The following ASCC2 variants were observed in gnomAD, a reference collection of about 807,000 sequenced individuals.
ASCC2 encodes the protein ASC-1 complex subunit P100.
ASCC2 carries 42 observed loss-of-function variants against 93.5 expected under a neutral mutation model. That is an observed-to-expected ratio of 0.45 (90% CI 0.35 to 0.58). The LOEUF (loss-of-function observed/expected upper bound fraction) is 0.58. Ranked by LOEUF, ASCC2 falls within the 20% of genes least tolerant of loss-of-function variation. The pLI, the probability that ASCC2 is intolerant of heterozygous loss-of-function variation, is 0.00. For missense variants in ASCC2, 859 were observed against 977.6 expected (o/e 0.88, Z 1.62); for synonymous variants, 364 against 384.2 (o/e 0.95, Z 0.62).
intron 4 of ASCC2, 55 bp from the exon 5 acceptor site, chr22:29,822,519 T>C (rs759784989): frequency 8.2e-6 from 13 of 1,594,524 alleles, no homozygotes; most frequent in Non-Finnish European, 1.0e-5. Flanking sequence ...TCCTACATTA[T>C]AAATAGCAAA....
At chr22:29,806,978 C>T (rs2059744959) in intron 9 of ASCC2, 74 bp from the exon 10 acceptor site, 2 of 1,148,926 alleles carry the variant, frequency 1.7e-6, no homozygotes, top group Admixed American at 2.4e-5. Flanking sequence ...GTGGTTTACA[C>T]CTGAAACCCT....
intron 17 of ASCC2, 56 bp from the exon 18 acceptor site, chr22:29,792,591 C>T: frequency 6.2e-7 from 1 of 1,605,978 alleles, no homozygotes. Flanking sequence ...GAGCAAGAGC[C>T]ACAAGGAGGA....
chr22:29,810,281 C>G (rs1271263882), intron 8 of ASCC2: 1 of 152,214 alleles, frequency 6.6e-6, no homozygotes, highest in Non-Finnish European at 1.5e-5. Flanking sequence ...ACTGCAGCTG[C>G]CTCTTTTCTG....
At chr22:29,789,615 C>G (rs2068666493) in intron 19 of ASCC2, among the ~76,000 whole-genome samples, 1 of 152,204 alleles carries the variant, frequency 6.6e-6, no homozygotes, top group African/African-American at 2.4e-5. Flanking sequence ...ACCTAGGGCC[C>G]TTTCAGACCA....
chr22:29,811,054 A>T (rs986598431), intron 8 of ASCC2, among the ~76,000 whole-genome samples: 1 of 152,116 alleles, frequency 6.6e-6, no homozygotes, highest in African/African-American at 2.4e-5. Context: ...TTTGTATAGC[A>T]AACAACTGAA....
rs112106561 is a variant in ASCC2 at position 29,793,508 on chromosome 22, T to A, written c.1789-18A>T. On this transcript the variant is annotated intron_variant, in intron 16 of 19. Coordinates refer to ENST00000307790, the MANE Select transcript of ASCC2 (RefSeq NM_032204.5). Reference sequence around the variant, plus strand: ...AGTGGCACCTGCAATGGCATAAGCATGGGTCTGGGGGGCTCAGGGGCTGGC... The same window carrying A: ...AGTGGCACCTGCAATGGCATAAGCAAGGGTCTGGGGGGCTCAGGGGCTGGC... The A allele has an allele frequency of 3.1e-3, 5,037 of 1,614,086 alleles. 93 individuals are homozygous for A. The African/African-American group carries it at 0.049, about 16-fold the overall frequency.
chr22:29,788,751 T>C lies in ASCC2; in HGVS notation c.*262A>G, dbSNP rs1277778583. ...TGCCTTGGGACTCCATCCCCATCTC[T>C]TTCCCGCTAGCGCAGCTGGGGGAAG... On this transcript the variant is annotated 3_prime_UTR_variant, in exon 20 of 20. Coordinates refer to ENST00000307790, the MANE Select transcript of ASCC2 (RefSeq NM_032204.5). 6 of 506,784 alleles carry C rather than the reference T, an allele frequency of 1.2e-5. No individual in the cohort carries two copies. The highest frequency in any genetic ancestry group is 1.1e-4 in the South Asian group (5 of 43,714). 31.4% of individuals were successfully genotyped at this position (506,784 alleles called of 1,614,324 possible).
At chr22:29,812,658 T>C (rs2060403834) in intron 8 of ASCC2, among the ~76,000 whole-genome samples, 1 of 152,182 alleles carries the variant, frequency 6.6e-6, no homozygotes, top group South Asian at 2.1e-4. Context: ...CTCTGCCTCA[T>C]GTCACACTTC....
chr22:29,806,173 G>GT, intron 12 of ASCC2, 43 bp downstream of exon 12: 1 of 1,597,076 alleles, frequency 6.3e-7, no homozygotes. Flanking sequence ...CTCTGACCTA[G>GT]TCAAGCTGGG....
chr22:29,799,776 G>A (rs113438877), intron 15 of ASCC2, among the ~76,000 whole-genome samples: 3,507 of 152,156 alleles, frequency 0.023, 65 homozygotes, highest in South Asian at 0.073. Flanking sequence ...TCATTCCAAC[G>A]CTGGGTGAAC....
At chr22:29,811,639 G>C (rs1178102688) in intron 8 of ASCC2, among the ~76,000 whole-genome samples, 2 of 152,150 alleles carry the variant, frequency 1.3e-5, no homozygotes, top group African/African-American at 4.8e-5. Context: ...GGGTGTTCGT[G>C]GGTCAAAGGC....
At chr22:29,832,581 C>A in intron 1 of ASCC2, 1 of 349,808 alleles carries the variant, frequency 2.9e-6, no homozygotes, top group Non-Finnish European at 5.2e-6. Context: ...GATATATTTC[C>A]ACCCACTTTT....
chr22:29,816,166 G>T, intron 5 of ASCC2, 93 bp from the exon 6 acceptor site: 1 of 1,058,214 alleles, frequency 9.4e-7, no homozygotes. Flanking sequence ...GCAGGTCTGT[G>T]ACCTTTCTCC....
At chr22:29,804,318 A>G (rs2059424993) in intron 13 of ASCC2, among the ~76,000 whole-genome samples, 1 of 152,162 alleles carries the variant, frequency 6.6e-6, no homozygotes, top group South Asian at 2.1e-4. Flanking sequence ...CTCCACTTTT[A>G]TCTATTTAGA....
intron 1 of ASCC2, among the ~76,000 whole-genome samples, chr22:29,836,166 T>A (rs1271105568): frequency 6.6e-6 from 1 of 151,760 alleles, no homozygotes; most frequent in Admixed American, 6.6e-5. Context: ...CTAAAAAGTG[T>A]GGCTTTGAAG....
chr22:29,812,724 C>G (rs1220627978), intron 8 of ASCC2, among the ~76,000 whole-genome samples: 1 of 152,176 alleles, frequency 6.6e-6, no homozygotes, highest in Non-Finnish European at 1.5e-5. Flanking sequence ...GCCTAGGATG[C>G]CCTTCCTGCT....
At chr22:29,803,683 C>T (rs2059358646) in intron 13 of ASCC2, among the ~76,000 whole-genome samples, 1 of 152,166 alleles carries the variant, frequency 6.6e-6, no homozygotes, top group Non-Finnish European at 1.5e-5. Context: ...TTATATATTG[C>T]TCAATGTGAC....
intron 5 of ASCC2, among the ~76,000 whole-genome samples, chr22:29,820,724 C>T (rs1189895849): frequency 6.6e-6 from 1 of 151,586 alleles, no homozygotes; most frequent in African/African-American, 2.4e-5. Flanking sequence ...CACCTGAGGT[C>T]GGGAGTTCGA....
At chr22:29,836,767 G>C (rs2063844389) in intron 1 of ASCC2, among the ~76,000 whole-genome samples, 1 of 152,118 alleles carries the variant, frequency 6.6e-6, no homozygotes, top group Non-Finnish European at 1.5e-5. Flanking sequence ...TGGCCAGGCT[G>C]GTCTGGAACT....
Sources: gnomAD v4.1 joint callset for allele counts (sites outside exome capture counted in the v4.1 genomes callset) on GRCh38, gnomAD v4.1.1 for gene constraint, MANE v1.5 for transcripts, NCBI Gene and HGNC (gene_info 2026-07-23, HGNC 2026-07-21) for gene names.